The following ST7L variants were observed in gnomAD, a reference collection of about 807,000 sequenced individuals.
ST7L encodes the protein suppression of tumorigenicity 7 like.
Under a neutral mutation model 72.5 loss-of-function variants are expected in ST7L, and 57 were observed. The observed-to-expected ratio is 0.79, with a 90% CI of 0.64 to 0.98. The LOEUF is 0.98. Among genes scored for constraint, ST7L ranks in the 50% least tolerant of loss-of-function variants. The pLI, the probability that ST7L is intolerant of heterozygous loss-of-function variation, is 0.00. For missense variants in ST7L, 576 were observed against 672.2 expected, an observed-to-expected ratio of 0.86 and a Z score of 1.58; for synonymous variants, 221 against 240.9, an observed-to-expected ratio of 0.92 and a Z score of 0.77.
rs1358659339 is a variant in ST7L, at chr1:112,555,948, A to G, written c.1316T>C (p.Ile439Thr). 3.6e-5 allele frequency: 58 copies of G among 1,612,494 alleles called. No individual in the cohort carries two copies. The highest frequency in any genetic ancestry group is 4.8e-5 in the Non-Finnish European group (57 of 1,179,092). The change falls in exon 12 of 15, where the codon ATT (isoleucine) becomes ACT (threonine). Residue 439 changes from isoleucine (I) to threonine (T), a missense_variant. Physicochemically the swap from Ile to Thr is moderately conservative, Grantham distance 89. Coordinates refer to ENST00000358039, the MANE Select transcript of ST7L (RefSeq NM_017744.5). Reference sequence around the variant, plus strand: ...CTGAAGATGAAAGAAAGCATAGGCAATTGCTTCACTATCACCCCGTTTCAG... The same window carrying G: ...CTGAAGATGAAAGAAAGCATAGGCAGTTGCTTCACTATCACCCCGTTTCAG... ...HILKRGDSEA[I>T]AYAFFHLQHW...
chr1:112,592,944 T>C (rs958827635), intron 5 of ST7L, among the ~76,000 whole-genome samples: 1 of 151,840 alleles, frequency 6.6e-6, no homozygotes, highest in African/African-American at 2.4e-5. Context: ...TTTGGGGAGT[T>C]AGGAGAAAAA....
In ST7L at chr1:112,619,124, T is replaced by C; in HGVS notation, c.-11A>G. The C allele has an allele frequency of 6.2e-7, 1 of 1,612,622 alleles. No homozygotes were observed. The highest frequency in any genetic ancestry group is 8.5e-7 in the Non-Finnish European group (1 of 1,179,474). ...GCCACGGTCCGCCATCTTGCCGCTA[T>C]CGCAGGCGCCAGGAGCTGGGAGGGG... On this transcript the variant is annotated 5_prime_UTR_variant, in exon 1 of 15. Coordinates refer to ENST00000358039, the MANE Select transcript of ST7L (RefSeq NM_017744.5).
chr1:112,591,693 T>G, intron 5 of ST7L, 90 bp from the exon 6 acceptor site: 1 of 837,314 alleles, frequency 1.2e-6, no homozygotes, highest in Non-Finnish European at 1.8e-6. Context: ...AAGCAAAGCT[T>G]TAAATAATAT....
At position 112,577,292 on chromosome 1, in the gene ST7L, G is replaced by A. The variant is rs184175881; in HGVS notation, c.1143-204C>T. ...GCTTGTAATCCCAGCACTTTGGGAG[G>A]CTGAGATAGGTGGATCACCTGAGCT... On this transcript the variant is annotated intron_variant, in intron 10 of 14. Transcript: ENST00000358039. 4.0e-5 allele frequency among the ~76,000 whole-genome samples: 6 copies of A among 151,260 alleles called. No individual in the cohort carries two copies. In the East Asian group the frequency reaches 1.2e-3, roughly 29 times the overall value.
At chr1:112,560,863 T>G (rs917775310) in intron 11 of ST7L, among the ~76,000 whole-genome samples, 10 of 151,520 alleles carry the variant, frequency 6.6e-5, no homozygotes, top group Non-Finnish European at 1.5e-4. Context: ...CTTGGGAGGC[T>G]GAGGCAGGAG....
chr1:112,532,987 A>C (rs1234274611), intron 14 of ST7L, among the ~76,000 whole-genome samples: 2 of 152,206 alleles, frequency 1.3e-5, no homozygotes, highest in African/African-American at 4.8e-5. Flanking sequence ...TATTATGTTC[A>C]GTTTATCTTT....
chr1:112,578,272 A>C, intron 10 of ST7L, 73 bp downstream of exon 10: 1 of 1,367,716 alleles, frequency 7.3e-7, no homozygotes, highest in Admixed American at 1.7e-5. Flanking sequence ...GCATTGTTTA[A>C]AGTCAGTAGA....
chr1:112,520,072 A>G (rs1652780958), downstream of ST7L, among the ~76,000 whole-genome samples: 1 of 151,614 alleles, frequency 6.6e-6, no homozygotes, highest in African/African-American at 2.4e-5. Flanking sequence ...AGGGCTTGCT[A>G]TGTTTCCCAG....
intron 11 of ST7L, among the ~76,000 whole-genome samples, chr1:112,570,566 T>TACACACACACACACACAC (rs1349137965): frequency 4.5e-5 from 6 of 134,008 alleles, no homozygotes; most frequent in African/African-American, 1.8e-4. Context: ...TATATATATA[T>TACACACACACACACACAC]ATATACACAC....
Position 112,547,460 on chromosome 1 carries a change from T to G in ST7L, c.1489+3141A>C, listed in dbSNP as rs1240292079. Among the ~76,000 whole-genome samples the G allele has an allele frequency of 2.0e-5, 3 of 151,536 alleles. No homozygotes were observed. In the East Asian group the frequency reaches 5.8e-4, roughly 29 times the overall value. On this transcript the variant is annotated intron_variant, in intron 13 of 14. Coordinates refer to ENST00000358039, the MANE Select transcript of ST7L (RefSeq NM_017744.5). ...CGCCCAGCTCAGCCTCCCAAAGTTC[T>G]GGGATTACAGGCGTGAGCCCCATGT...
intron 10 of ST7L, among the ~76,000 whole-genome samples, chr1:112,577,820 T>C (rs970238220): frequency 1.3e-5 from 2 of 152,054 alleles, no homozygotes; most frequent in African/African-American, 4.8e-5. Flanking sequence ...TGAAAGAAAA[T>C]GGCCACTATT....
chr1:112,577,382 G>A (rs552305474), intron 10 of ST7L, among the ~76,000 whole-genome samples: 2 of 151,512 alleles, frequency 1.3e-5, no homozygotes, highest in African/African-American at 4.8e-5. Flanking sequence ...TACAAAATTA[G>A]CTGGGTGTGG....
At chr1:112,579,551 C>T (rs1029571003) in intron 9 of ST7L, among the ~76,000 whole-genome samples, 2 of 151,494 alleles carry the variant, frequency 1.3e-5, no homozygotes, top group Non-Finnish European at 1.5e-5. Context: ...TTGATTCAAC[C>T]GAGGGTGATA....
chr1:112,532,188 GC>G (rs1266629182), intron 14 of ST7L, among the ~76,000 whole-genome samples: 17 of 152,284 alleles, frequency 1.1e-4, no homozygotes, highest in African/African-American at 3.4e-4. Context: ...AACTTTGAGT[GC>G]CCCAGCAACC....
At chr1:112,568,330 AT>A (rs776031521) in intron 11 of ST7L, among the ~76,000 whole-genome samples, 274 of 116,790 alleles carry the variant, frequency 2.3e-3, no homozygotes, top group Middle Eastern at 5.4e-3. Flanking sequence ...CTGTAATAAT[AT>A]TTTTTTTTTT....
chr1:112,519,954 G>A (rs1652771913), downstream of ST7L, among the ~76,000 whole-genome samples: 3 of 146,642 alleles, frequency 2.0e-5, no homozygotes, highest in South Asian at 6.4e-4. Context: ...GCTCACTGCA[G>A]CCTCGACCTC....
downstream of ST7L, chr1:112,522,550 CATGTTTTTGAA>C (rs1180573703): frequency 3.3e-5 from 5 of 152,248 alleles, no homozygotes; most frequent in African/African-American, 1.2e-4. Context: ...TTGGGGTCCT[CATGTTTTTGAA>C]GCAGCTTCAC....
intron 5 of ST7L, among the ~76,000 whole-genome samples, chr1:112,592,839 T>C (rs559307560): frequency 1.9e-4 from 29 of 152,280 alleles, no homozygotes; most frequent in African/African-American, 6.7e-4. Flanking sequence ...AATCTTTCAG[T>C]ATGTGTTTTC....
chr1:112,545,712 CT>C (rs2101470098), intron 13 of ST7L, among the ~76,000 whole-genome samples: 1 of 152,326 alleles, frequency 6.6e-6, no homozygotes, highest in Non-Finnish European at 1.5e-5. Flanking sequence ...TGTCCTGTCT[CT>C]CTGACAACCT....
Sources: allele counts gnomAD v4.1 joint callset (sites outside exome capture counted in the v4.1 genomes callset), GRCh38; gene constraint gnomAD v4.1.1; transcripts MANE v1.5; gene names NCBI Gene and HGNC (gene_info 2026-07-23, HGNC 2026-07-21).